Variants in BICRAL observed in about 807,000 individuals in gnomAD.
BICRAL encodes BICRA like chromatin remodeling complex associated protein, also known as BRD4-interacting chromatin-remodeling complex-associated protein-like.
BICRAL carries 8 observed loss-of-function variants against 91.8 expected under a neutral mutation model. The ratio of observed to expected loss-of-function variants is 0.09; its 90% CI spans 0.05 to 0.16. The LOEUF (loss-of-function observed/expected upper bound fraction) is 0.16, where lower values mean the gene tolerates loss of function less well. BICRAL is among the 10% of genes least tolerant of loss of function. The probability of loss-of-function intolerance (pLI) is 1.00; values close to 1 mark genes in which losing one functional copy is unlikely to be tolerated. For missense variants in BICRAL, 1,038 were observed against 1,310.9 expected (o/e 0.79, Z 3.21); for synonymous variants, 445 against 491.1 (o/e 0.91, Z 1.24).
intron 8 of BICRAL, among the ~76,000 whole-genome samples, chr6:42,854,503 G>GTTTTGTTTTTGT (rs529768161): frequency 6.6e-6 from 1 of 151,608 alleles, no homozygotes; most frequent in African/African-American, 2.4e-5. Context: ...TGGGTTTTTT[G>GTTTTGTTTTTGT]TTTTGTTTTT....
At chr6:42,858,680 G>A (rs1236867064) in intron 10 of BICRAL, among the ~76,000 whole-genome samples, 1 of 151,846 alleles carries the variant, frequency 6.6e-6, no homozygotes, top group Non-Finnish European at 1.5e-5. Flanking sequence ...AGCCAGGCGT[G>A]GTGGCACATG....
intron 2 of BICRAL, among the ~76,000 whole-genome samples, chr6:42,813,800 C>T (rs1763904694): frequency 1.3e-5 from 2 of 151,872 alleles, no homozygotes; most frequent in South Asian, 2.1e-4. Context: ...GGATTACAGG[C>T]GTGAGCCACC....
intron 1 of BICRAL, among the ~76,000 whole-genome samples, chr6:42,788,222 CTTTTTTT>C (rs11304715): frequency 8.8e-6 from 1 of 113,394 alleles, no homozygotes; most frequent in Non-Finnish European, 1.8e-5. Flanking sequence ...GAGCAGCATT[CTTTTTTT>C]TTTTTTTTTT....
At chr6:42,822,252 TC>T (rs1301948458) in intron 3 of BICRAL, among the ~76,000 whole-genome samples, 189 bp downstream of exon 3, 1 of 151,680 alleles carries the variant, frequency 6.6e-6, no homozygotes, top group Admixed American at 6.6e-5. Flanking sequence ...TTTTTTTTTT[TC>T]CTTTTGAGAC....
intron 1 of BICRAL, among the ~76,000 whole-genome samples, chr6:42,793,714 CA>C (rs1763341624): frequency 1.3e-5 from 2 of 149,868 alleles, no homozygotes; most frequent in Admixed American, 1.3e-4. Context: ...TGAAGGTTTA[CA>C]ACTGGGATGT....
At chr6:42,766,851 T>G (rs867559954) in intron 1 of BICRAL, among the ~76,000 whole-genome samples, 1 of 152,054 alleles carries the variant, frequency 6.6e-6, no homozygotes, top group East Asian at 1.9e-4. Context: ...CCATCCTGGC[T>G]AACACAGTGA....
chr6:42,821,283 A>G (rs183202866), intron 2 of BICRAL: 3 of 152,294 alleles, frequency 2.0e-5, no homozygotes, highest in Non-Finnish European at 4.4e-5. Flanking sequence ...CAGCCCAAGC[A>G]TAGTCATTTC....
At chr6:42,847,742 G>A (rs572539104) in intron 6 of BICRAL, among the ~76,000 whole-genome samples, 32 of 152,260 alleles carry the variant, frequency 2.1e-4, no homozygotes, top group Non-Finnish European at 4.1e-4. Flanking sequence ...GACCAACATG[G>A]TGAAACCCTG....
At chr6:42,770,153 G>A (rs767299712) in intron 1 of BICRAL, among the ~76,000 whole-genome samples, 4 of 152,232 alleles carry the variant, frequency 2.6e-5, no homozygotes, top group Middle Eastern at 3.4e-3. Flanking sequence ...CTTTCCCCAT[G>A]TGATTTGGAG....
At chr6:42,830,746 G>A (rs560409766) in intron 6 of BICRAL, among the ~76,000 whole-genome samples, 1 of 152,182 alleles carries the variant, frequency 6.6e-6, no homozygotes, top group African/African-American at 2.4e-5. Flanking sequence ...CTCCCAGGTA[G>A]CTGTGACTAC....
chr6:42,857,966 G>A (rs915611077), intron 10 of BICRAL, among the ~76,000 whole-genome samples: 1 of 149,852 alleles, frequency 6.7e-6, no homozygotes, highest in Non-Finnish European at 1.5e-5. Context: ...CCACCACCAC[G>A]GCTGGCTAAT....
chr6:42,845,961 A>C (rs1362613684), intron 6 of BICRAL, among the ~76,000 whole-genome samples: 3 of 149,858 alleles, frequency 2.0e-5, no homozygotes, highest in East Asian at 2.0e-4. Flanking sequence ...GTCCCAGCTA[A>C]TCGGGAGGCT....
Position 42,830,161 on chromosome 6 carries a change from T to A in BICRAL, c.1828T>A (p.Phe610Ile). The A allele has an allele frequency of 1.2e-6, 2 of 1,614,030 alleles. No individual in the cohort carries two copies. Among genetic ancestry groups the A allele is most frequent in the Non-Finnish European group, 1.7e-6 (2 of 1,179,934 alleles). ...ACCTGGAACAGGAACCCAGCAACAA[T>A]TCTTCTGCCAGGTAATGCCCTTTCC... ...NTPGTGTQQQFFCQAQKKCLN... is the reference protein window; with the variant it reads ...NTPGTGTQQQIFCQAQKKCLN... The change falls in exon 6 of 13, where the codon TTC becomes ATC. Residue 610 changes from phenylalanine (F) to isoleucine (I), a missense_variant. Physicochemically the swap from Phe to Ile is conservative, Grantham distance 21. Coordinates refer to ENST00000314073, the MANE Select transcript of BICRAL (RefSeq NM_001393499.1).
intron 5 of BICRAL, among the ~76,000 whole-genome samples, chr6:42,825,423 G>A (rs1177594007): frequency 6.6e-6 from 1 of 151,680 alleles, no homozygotes; most frequent in Non-Finnish European, 1.5e-5. Context: ...AAATTAGCCG[G>A]GCGTTGTGGC....
At chr6:42,845,193 G>GTGTTT (rs1562490914) in intron 6 of BICRAL, among the ~76,000 whole-genome samples, 32 of 34,132 alleles carry the variant, frequency 9.4e-4, no homozygotes, top group Admixed American at 1.6e-3. Context: ...TGTTTTTTGG[G>GTGTTT]TGTTTTTTTT....
rs747279498 is a variant in BICRAL, at chr6:42,862,624, C to T, written c.2452+12C>T. 1.8e-5 allele frequency: 27 copies of T among 1,503,756 alleles called. No individual in the cohort carries two copies. The South Asian group carries it at 2.1e-4, about 12-fold the overall frequency. The allele number at this position is 1,503,756 out of a possible 1,614,324, so 93.2% of individuals were successfully genotyped here. A position where few individuals can be genotyped will look rare whatever the true frequency, so the allele number is the denominator to read the frequency against. ...ACTTGTAGACCCTGGTAAGAAACAT[C>T]GCAGTGAAAGTAGTGGATAGCTCCT... On this transcript the variant is annotated intron_variant, in intron 12 of 12. Transcript: ENST00000314073.
At chr6:42,794,411 CTGTGTGTGTG>C (rs67384767) in intron 1 of BICRAL, among the ~76,000 whole-genome samples, 51 of 146,512 alleles carry the variant, frequency 3.5e-4, no homozygotes, top group African/African-American at 8.0e-4. Flanking sequence ...TTCACTTACT[CTGTGTGTGTG>C]TGTGTGTGTG....
intron 6 of BICRAL, among the ~76,000 whole-genome samples, chr6:42,847,682 T>C (rs189303786): frequency 6.6e-6 from 1 of 152,120 alleles, no homozygotes; most frequent in South Asian, 2.1e-4. Context: ...CCCAGCACTT[T>C]GGGAGGCCGA....
chr6:42,824,554 G>T (rs953305778), intron 5 of BICRAL, among the ~76,000 whole-genome samples: 2 of 152,128 alleles, frequency 1.3e-5, no homozygotes, highest in African/African-American at 2.4e-5. Flanking sequence ...ATGTTGGCCT[G>T]GATGATCTTG....
Sources: gnomAD v4.1 joint callset for allele counts (sites outside exome capture counted in the v4.1 genomes callset) on GRCh38, gnomAD v4.1.1 for gene constraint, MANE v1.5 for transcripts, NCBI Gene and HGNC (gene_info 2026-07-23, HGNC 2026-07-21) for gene names.